The following GREB1 variants were observed in gnomAD, a reference collection of about 807,000 sequenced individuals.
GREB1 encodes the protein growth regulating estrogen receptor binding 1.
Under a neutral mutation model 200.7 loss-of-function variants are expected in GREB1, and 106 were observed. The ratio of observed to expected loss-of-function variants is 0.53; its 90% CI spans 0.45 to 0.62. The LOEUF (loss-of-function observed/expected upper bound fraction) is 0.62. Ranked by LOEUF, GREB1 falls within the 20% of genes least tolerant of loss-of-function variation. GREB1 has a pLI of 0.00. For missense variants in GREB1, 2,243 were observed against 2,556.8 expected, an observed-to-expected ratio of 0.88 and a Z score of 2.65; for synonymous variants, 1,132 against 1,092.4, an observed-to-expected ratio of 1.04 and a Z score of -0.72.
In GREB1 at chr2:11,492,527, T is replaced by C. The variant is rs1284725118; in HGVS notation, c.-159+10146T>C. Among the ~76,000 whole-genome samples, 1 of 152,078 alleles carries C rather than the reference T, an allele frequency of 6.6e-6. No homozygotes were observed. Among genetic ancestry groups the C allele is most frequent in the Non-Finnish European group, 1.5e-5 (1 of 68,000 alleles). On this transcript the variant is annotated intron_variant, in intron 1 of 2. Coordinates refer to the GREB1 transcript ENST00000628795. This position sits in a 1 kb window ranked among gnomAD's most constrained non-coding sequence, Gnocchi z 4.0. ...AGGCTCATTCTCTGCTGTGAGAAGT[T>C]TGGGATGAGGGGTGGGTTTCTGTGA... is the stretch of plus-strand genomic sequence containing the variant.
chr2:11,503,311 T>A (rs1673097408), intron 1 of GREB1, among the ~76,000 whole-genome samples: 1 of 152,210 alleles, frequency 6.6e-6, no homozygotes, highest in Non-Finnish European at 1.5e-5. Context: ...GTGCTTACAT[T>A]TTTTGGGTTG....
At chr2:11,496,386 T>A (rs536306126) in intron 1 of GREB1, among the ~76,000 whole-genome samples, 1 of 152,346 alleles carries the variant, frequency 6.6e-6, no homozygotes, top group African/African-American at 2.4e-5. Flanking sequence ...TGAAAAGGAC[T>A]GGCTCTGACC....
chr2:11,556,705 C>T lies in GREB1; in HGVS notation c.91C>T (p.Leu31=), dbSNP rs779232347. 3.7e-6 allele frequency: 6 copies of T among 1,613,990 alleles called. No homozygotes were observed. The highest frequency in any genetic ancestry group is 1.7e-5 in the Admixed American group (1 of 60,004). Residue 31 remains leucine (L), a synonymous_variant, in exon 2 of 33, where the codon CTG becomes TTG. Coordinates refer to ENST00000381486, the MANE Select transcript of GREB1 (RefSeq NM_014668.4). ...SIEASLRSNN[L]VPRPIFSQLY... ...CGAGGCATCCCTGCGGTCCAACAAC[C>T]TGGTGCCCAGGCCCATCTTTTCCCA...
At position 11,618,673 on chromosome 2, in the gene GREB1, C is replaced by T. The variant is rs766437885; in HGVS notation, c.3798C>T (p.Tyr1266=). 119 of 1,613,654 alleles carry T rather than the reference C, an allele frequency of 7.4e-5. No homozygotes were observed. In the Middle Eastern group the frequency reaches 8.2e-4, roughly 11 times the overall value. ...TTGTCTTCTTGCCCAAGCTCGTGTA[C>T]GACATGGTTGTGTCCACTGACAGCA... The part of the protein sequence containing the change: ...PPIVFLPKLV[Y]DMVVSTDSSG... The change falls in exon 22 of 33, where the codon TAC becomes TAT. Residue 1266 remains tyrosine, a synonymous_variant. Transcript: ENST00000381486.
upstream of GREB1, among the ~76,000 whole-genome samples, chr2:11,533,701 C>T (rs992699839): frequency 9.2e-5 from 14 of 152,176 alleles, no homozygotes; most frequent in African/African-American, 2.9e-4. Flanking sequence ...CGGTGATGAA[C>T]GTTTTGGGGT....
At chr2:11,582,825 A>G (rs993839088) in intron 7 of GREB1, among the ~76,000 whole-genome samples, 2 of 152,238 alleles carry the variant, frequency 1.3e-5, no homozygotes, top group Admixed American at 6.5e-5. Context: ...AACTGCGTCT[A>G]ATACCACATG....
At chr2:11,588,019 A>G (rs1255405896) in intron 9 of GREB1, 1 of 824,602 alleles carries the variant, frequency 1.2e-6, no homozygotes, top group Non-Finnish European at 1.5e-6. Context: ...TTAGGTCAGA[A>G]GTTCAAGATC....
rs1263514079 is a variant in GREB1 at position 11,630,062 on chromosome 2, C to T, written c.4564C>T (p.Pro1522Ser). 1 of 1,614,202 alleles carries T rather than the reference C, an allele frequency of 6.2e-7. No homozygotes were observed. Among genetic ancestry groups the T allele is most frequent in the South Asian group, 1.1e-5 (1 of 91,076 alleles). The change falls in exon 26 of 33, where the codon CCT becomes TCT. Residue 1522 changes from proline (P) to serine (S), a missense_variant. By Grantham distance (74) the Pro-to-Ser change is moderately conservative (BLOSUM62 -1). Around this residue, in one of 3 missense-constraint regions of GREB1, gnomAD observed 478 missense variants for 616.3 expected, o/e 0.78. Coordinates refer to ENST00000381486, the MANE Select transcript of GREB1 (RefSeq NM_014668.4). ...GGAGCACCACTTTGTCTTCAGCCAA[C>T]CTGGAGGCCAGCTGGAGAGCATGCG... is the stretch of plus-strand genomic sequence containing the variant. ...SKEHHFVFSQ[P>S]GGQLESMRLP... is the part of the protein sequence containing the mutation.
intron 26 of GREB1, among the ~76,000 whole-genome samples, chr2:11,630,826 C>T (rs992546203): frequency 1.3e-5 from 2 of 152,166 alleles, no homozygotes; most frequent in Admixed American, 6.5e-5. Context: ...TTTGGTTTGA[C>T]GGTGCTCACC....
At chr2:11,583,841 A>T (rs1679771769) in intron 7 of GREB1, among the ~76,000 whole-genome samples, 1 of 145,020 alleles carries the variant, frequency 6.9e-6, no homozygotes, top group South Asian at 2.1e-4. Flanking sequence ...CCTGGGCAAC[A>T]AGAGCGAGAC....
intron 4 of GREB1, among the ~76,000 whole-genome samples, chr2:11,569,023 G>T (rs940947307): frequency 6.6e-6 from 1 of 152,146 alleles, no homozygotes; most frequent in African/African-American, 2.4e-5. Context: ...TACAGGCTGG[G>T]TAATACCTTG....
chr2:11,567,565 G>T, intron 4 of GREB1, among the ~76,000 whole-genome samples: 1 of 152,254 alleles, frequency 6.6e-6, no homozygotes, highest in East Asian at 1.9e-4. Context: ...ACCATCCCAC[G>T]TGGTCTTGAC....
intron 1 of GREB1, chr2:11,540,776 G>A (rs1674673697): frequency 6.5e-6 from 1 of 152,782 alleles, no homozygotes; most frequent in African/African-American, 2.4e-5. Context: ...CCGTCAAAGA[G>A]TTTATAGGAG....
At chr2:11,507,385 G>A (rs1673209978) in intron 1 of GREB1, among the ~76,000 whole-genome samples, 1 of 142,714 alleles carries the variant, frequency 7.0e-6, no homozygotes, top group African/African-American at 2.6e-5. Context: ...CTCCAGCCTG[G>A]GCAACAGAGC....
chr2:11,640,590 T>C lies in GREB1; in HGVS notation c.*136T>C, dbSNP rs926409371. ...ACTGTCCAGGTGCAGCCCCTCCTAG[T>C]ACACATGGGCCCCCGAGGCCGTGGT... is the stretch of plus-strand genomic sequence containing the variant. On this transcript the variant is annotated 3_prime_UTR_variant, in exon 33 of 33. Transcript: ENST00000381486. This position sits in a 1 kb window ranked among gnomAD's most constrained non-coding sequence, Gnocchi z 4.6. The C allele has an allele frequency of 8.3e-6, 8 of 966,612 alleles. No homozygotes were observed. The African/African-American group carries it at 1.3e-4, about 16-fold the overall frequency. 59.9% of individuals were successfully genotyped at this position (966,612 alleles called of 1,614,324 possible).
At chr2:11,504,228 A>G (rs1005296359) in intron 1 of GREB1, among the ~76,000 whole-genome samples, 1 of 152,050 alleles carries the variant, frequency 6.6e-6, no homozygotes, top group African/African-American at 2.4e-5. Context: ...TACGTCCTGG[A>G]TGGGATGGAG....
chr2:11,582,628 C>CTG (rs1314359919), intron 7 of GREB1, among the ~76,000 whole-genome samples: 1 of 152,238 alleles, frequency 6.6e-6, no homozygotes, highest in Admixed American at 6.5e-5. Context: ...GGCCTCGGCG[C>CTG]TGTGCAGTTC....
intron 1 of GREB1, among the ~76,000 whole-genome samples, chr2:11,500,260 C>T (rs1672994672): frequency 3.3e-5 from 5 of 152,216 alleles, no homozygotes. Flanking sequence ...CTCCCGAGTT[C>T]AAGTGATTCT....
intron 1 of GREB1, among the ~76,000 whole-genome samples, chr2:11,507,618 G>A (rs1379264677): frequency 1.3e-5 from 2 of 152,140 alleles, no homozygotes; most frequent in Non-Finnish European, 2.9e-5. Flanking sequence ...TATCAAATGG[G>A]TATTATTTTG....
Sources: allele counts gnomAD v4.1 joint callset (sites outside exome capture counted in the v4.1 genomes callset), GRCh38; gene constraint gnomAD v4.1.1; regional missense constraint gnomAD v4.1.1; non-coding constraint Gnocchi (gnomAD v3.1); transcripts MANE v1.5; gene names NCBI Gene and HGNC (gene_info 2026-07-23, HGNC 2026-07-21).